The following LRBA variants were observed in gnomAD, a reference collection of about 807,000 sequenced individuals.
LRBA encodes lipopolysaccharide-responsive and beige-like anchor protein.
A neutral mutation model predicts 330.0 loss-of-function variants in LRBA; 176 were observed. That is an observed-to-expected ratio of 0.53 (90% CI 0.47 to 0.60). LRBA has a LOEUF of 0.60. LRBA is among the 20% of genes least tolerant of loss of function. LRBA has a pLI of 0.00. For synonymous variants in LRBA, 1,230 were observed against 1,193.0 expected (o/e 1.03, Z -0.64); for missense variants, 3,259 against 3,444.8 (o/e 0.95, Z 1.35).
chr4:150,974,706 C>T (rs1208506202), intron 2 of LRBA, among the ~76,000 whole-genome samples: 5 of 152,128 alleles, frequency 3.3e-5, no homozygotes, highest in Non-Finnish European at 7.3e-5. Flanking sequence ...TGGAAAAAGG[C>T]AGGAGAGGGT....
intron 44 of LRBA, among the ~76,000 whole-genome samples, chr4:150,453,061 G>A (rs943073848): frequency 4.6e-5 from 7 of 151,982 alleles, no homozygotes; most frequent in East Asian, 1.9e-4. Context: ...CTAAATAAGC[G>A]GAAAAGACAC....
intron 2 of LRBA, among the ~76,000 whole-genome samples, chr4:150,938,258 G>A (rs1006014047): frequency 6.6e-6 from 1 of 151,920 alleles, no homozygotes; most frequent in Non-Finnish European, 1.5e-5. Flanking sequence ...TTATTTATCT[G>A]CATCCTTCAG....
intron 34 of LRBA, among the ~76,000 whole-genome samples, chr4:150,769,758 A>T (rs557256498): frequency 6.6e-6 from 1 of 152,238 alleles, no homozygotes; most frequent in African/African-American, 2.4e-5. Flanking sequence ...GACCCAAATG[A>T]CACACAAATT....
At chr4:150,937,041 A>G (rs1735149263) in intron 2 of LRBA, among the ~76,000 whole-genome samples, 1 of 152,078 alleles carries the variant, frequency 6.6e-6, no homozygotes, top group Non-Finnish European at 1.5e-5. Context: ...AATTTCCAAA[A>G]AAAGCCCCAA....
At chr4:150,719,482 T>G (rs1433236649) in intron 36 of LRBA, among the ~76,000 whole-genome samples, 1 of 151,880 alleles carries the variant, frequency 6.6e-6, no homozygotes. Context: ...AAAAACAAAT[T>G]AGCAAAAAAT....
At chr4:150,418,400 C>T (rs1581250298) in intron 46 of LRBA, among the ~76,000 whole-genome samples, 1 of 151,876 alleles carries the variant, frequency 6.6e-6, no homozygotes, top group Admixed American at 6.6e-5. Flanking sequence ...GGAGCAAAAC[C>T]ACCCATAAAA....
chr4:150,817,138 C>A lies in LRBA; in HGVS notation c.5291G>T (p.Gly1764Val). The change falls in exon 31 of 57, where the codon GGA becomes GTA. Residue 1764 changes from glycine to valine, a missense_variant. Coordinates refer to ENST00000651943, the MANE Select transcript of LRBA (RefSeq NM_001364905.1). ...SVDSAQASDMGGESPGSRSSN... is the reference protein window; with the variant it reads ...SVDSAQASDMVGESPGSRSSN... ...AACTAACTCACCTGGTGATTCTCCTCCCATATCTGAGGCTTGGGCTGAATC... is the reference window on the plus strand; with the variant it reads ...AACTAACTCACCTGGTGATTCTCCTACCATATCTGAGGCTTGGGCTGAATC... 1 of 1,611,964 alleles carries A rather than the reference C, an allele frequency of 6.2e-7. No homozygotes were observed. The highest frequency in any genetic ancestry group is 8.5e-7 in the Non-Finnish European group (1 of 1,178,544).
At chr4:150,281,226 A>AAAAG (rs1747473604) in intron 55 of LRBA, among the ~76,000 whole-genome samples, 1 of 152,206 alleles carries the variant, frequency 6.6e-6, no homozygotes, top group Admixed American at 6.5e-5. Flanking sequence ...AGAAAAGAGG[A>AAAAG]AAAGAAAATC....
Position 150,484,314 on chromosome 4 carries a change from G to C in LRBA, c.6551+3418C>G, listed in dbSNP as rs868710431. ...GAACTACAAGTTTTCTCTGAGGTAA[G>C]GTCTTTTACTACAATTCAATTTCCT... On this transcript the variant is annotated intron_variant, in intron 42 of 56. Coordinates refer to ENST00000651943, the MANE Select transcript of LRBA (RefSeq NM_001364905.1). Among the ~76,000 whole-genome samples, 6 of 151,870 alleles carry C rather than the reference G, an allele frequency of 4.0e-5. 1 individual carries two copies. Among genetic ancestry groups the C allele is most frequent in the South Asian group, 2.1e-4 (1 of 4,830 alleles).
intron 40 of LRBA, among the ~76,000 whole-genome samples, chr4:150,533,157 C>A (rs1246039918): frequency 6.6e-5 from 10 of 152,060 alleles, no homozygotes; most frequent in African/African-American, 2.4e-4. Flanking sequence ...AACTCTACTA[C>A]TTAATAAACC....
chr4:150,588,762 C>T (rs1486764301), intron 39 of LRBA, among the ~76,000 whole-genome samples: 2 of 152,164 alleles, frequency 1.3e-5, no homozygotes, highest in Non-Finnish European at 2.9e-5. Context: ...CTTTTCTAAG[C>T]CTTCCTTTCC....
Position 150,535,357 on chromosome 4 carries a change from C to T in LRBA, c.6331-44322G>A, listed in dbSNP as rs114114562. Among the ~76,000 whole-genome samples the T allele has an allele frequency of 7.2e-3, 1,089 of 152,196 alleles. 11 individuals carry two copies. Among genetic ancestry groups the T allele is most frequent in the African/African-American group, 0.025 (1,044 of 41,538 alleles). On this transcript the variant is annotated intron_variant, in intron 40 of 56. Coordinates refer to ENST00000651943, the MANE Select transcript of LRBA (RefSeq NM_001364905.1). ...CTCACTATGTTGCCTAGGCTGGTCC[C>T]TAATTCCTGGACTCAAGTGGTTCTC...
chr4:150,889,626 G>A (rs562961921), intron 17 of LRBA, among the ~76,000 whole-genome samples: 5 of 152,134 alleles, frequency 3.3e-5, no homozygotes, highest in Non-Finnish European at 7.3e-5. Context: ...TGTTCCCTAT[G>A]AGAATCAAAT....
At chr4:150,725,048 T>C (rs1021508082) in intron 36 of LRBA, among the ~76,000 whole-genome samples, 11 of 151,428 alleles carry the variant, frequency 7.3e-5, no homozygotes, top group Admixed American at 7.2e-4. Context: ...GACAGGCTAT[T>C]TGAAAATACA....
At chr4:150,437,071 G>A (rs1751213686) in intron 44 of LRBA, among the ~76,000 whole-genome samples, 1 of 152,060 alleles carries the variant, frequency 6.6e-6, no homozygotes. Flanking sequence ...GTGAATGGAT[G>A]AACCCATCAT....
At chr4:150,729,748 T>A (rs193047143) in intron 36 of LRBA, among the ~76,000 whole-genome samples, 61 of 152,288 alleles carry the variant, frequency 4.0e-4, no homozygotes, top group African/African-American at 1.4e-3. Context: ...CAAATTATAT[T>A]ACTGAGTTAT....
At chr4:150,285,001 G>T (rs533495314) in intron 54 of LRBA, among the ~76,000 whole-genome samples, 3 of 152,136 alleles carry the variant, frequency 2.0e-5, no homozygotes, top group South Asian at 2.1e-4. Flanking sequence ...GGCTCAGGAC[G>T]TATGAAATTA....
At chr4:150,591,999 C>G (rs1296696597) in intron 38 of LRBA, among the ~76,000 whole-genome samples, 1 of 151,940 alleles carries the variant, frequency 6.6e-6, no homozygotes, top group Non-Finnish European at 1.5e-5. Flanking sequence ...TGTATCTTTT[C>G]CTAATCTTTT....
At chr4:150,778,457 CA>C (rs1346114650) in intron 34 of LRBA, among the ~76,000 whole-genome samples, 2 of 151,966 alleles carry the variant, frequency 1.3e-5, no homozygotes, top group African/African-American at 4.8e-5. Context: ...TGTAAATAAT[CA>C]AAAAATCCTC....
Sources: gnomAD v4.1 joint callset for allele counts (sites outside exome capture counted in the v4.1 genomes callset) on GRCh38, gnomAD v4.1.1 for gene constraint, MANE v1.5 for transcripts, NCBI Gene and HGNC (gene_info 2026-07-23, HGNC 2026-07-21) for gene names.